ARHGAP12: variants seen among roughly 807,000 people sequenced by gnomAD.
ARHGAP12 encodes Rho GTPase activating protein 12.
In ARHGAP12, 64 loss-of-function variants were observed where a neutral mutation model predicts 108.6. That is an observed-to-expected ratio of 0.59 (90% confidence interval 0.48 to 0.73). The LOEUF is 0.73. Among genes scored for constraint, ARHGAP12 ranks in the 30% least tolerant of loss-of-function variants. The pLI, the probability that ARHGAP12 is intolerant of heterozygous loss-of-function variation, is 0.00. For missense variants in ARHGAP12, 940 were observed against 1,005.9 expected, an observed-to-expected ratio of 0.93 and a Z score of 0.89; for synonymous variants, 312 against 337.2, an observed-to-expected ratio of 0.93 and a Z score of 0.82.
rs75533487 is a variant in ARHGAP12 at position 31,814,733 on chromosome 10, G to A, written c.1732-372C>T. Among the ~76,000 whole-genome samples, 1,416 of 152,200 alleles carry A rather than the reference G, an allele frequency of 9.3e-3. 29 individuals carry two copies. Among genetic ancestry groups the A allele is most frequent in the African/African-American group, 0.032 (1,331 of 41,516 alleles). On this transcript the variant is annotated intron_variant, in intron 13 of 19. Coordinates refer to ENST00000344936, the MANE Select transcript of ARHGAP12 (RefSeq NM_018287.7). ...GCTACATTCTCTGACAACAGTATAA[G>A]ACTTCTACACATGGACCTGACAAGA...
chr10:31,874,303 A>G (rs1837645955), intron 3 of ARHGAP12, among the ~76,000 whole-genome samples: 1 of 152,168 alleles, frequency 6.6e-6, no homozygotes, highest in Non-Finnish European at 1.5e-5. Context: ...AGAAGACAAA[A>G]AATTTTGAAA....
chr10:31,902,668 C>T (rs757429355), intron 3 of ARHGAP12, among the ~76,000 whole-genome samples: 3 of 147,828 alleles, frequency 2.0e-5, no homozygotes, highest in Admixed American at 6.7e-5. Flanking sequence ...AAGACCCCAT[C>T]TCAAAAAAAA....
chr10:31,820,522 T>C, intron 11 of ARHGAP12, 34 bp from the exon 12 acceptor site: 1 of 1,388,590 alleles, frequency 7.2e-7, no homozygotes, highest in Middle Eastern at 1.9e-4. Context: ...AACCTTCATG[T>C]GATACTCACA....
At chr10:31,840,176 A>G (rs1318983979) in intron 7 of ARHGAP12, among the ~76,000 whole-genome samples, 2 of 152,114 alleles carry the variant, frequency 1.3e-5, no homozygotes, top group Admixed American at 6.5e-5. Flanking sequence ...CAAAAGCTAT[A>G]TAAGAAATTA....
rs559666544 is a variant in ARHGAP12, at chr10:31,855,188, T to C, written c.949-982A>G. Among the ~76,000 whole-genome samples, 45 of 151,702 alleles carry C rather than the reference T, an allele frequency of 3.0e-4. 1 individual carries two copies. The highest frequency in any genetic ancestry group is 1.8e-3 in the Admixed American group (28 of 15,240). Reference sequence around the variant, plus strand: ...TAAGGTAATACGGGTACACATGATATGATAAACTGCAGACACATGAGGGAA... The same window carrying C: ...TAAGGTAATACGGGTACACATGATACGATAAACTGCAGACACATGAGGGAA... On this transcript the variant is annotated intron_variant, in intron 4 of 19. Coordinates refer to ENST00000344936, the MANE Select transcript of ARHGAP12 (RefSeq NM_018287.7).
intron 3 of ARHGAP12, among the ~76,000 whole-genome samples, chr10:31,903,577 G>A (rs953591767): frequency 3.5e-4 from 54 of 152,168 alleles, no homozygotes; most frequent in African/African-American, 1.3e-3. Context: ...ACAAAACCAT[G>A]ATTCCACATA....
chr10:31,819,084 T>C (rs1271281497), intron 12 of ARHGAP12, among the ~76,000 whole-genome samples: 2 of 151,878 alleles, frequency 1.3e-5, no homozygotes, highest in Non-Finnish European at 2.9e-5. Context: ...AATTATCTAA[T>C]GAGAGAAATA....
intron 3 of ARHGAP12, among the ~76,000 whole-genome samples, chr10:31,900,526 T>C (rs543785152): frequency 2.0e-5 from 3 of 152,276 alleles, no homozygotes; most frequent in East Asian, 3.9e-4. Context: ...TAAAAAGAAA[T>C]GAGCTGTCAG....
At chr10:31,855,815 A>G (rs1836866307) in intron 4 of ARHGAP12, among the ~76,000 whole-genome samples, 1 of 152,224 alleles carries the variant, frequency 6.6e-6, no homozygotes, top group African/African-American at 2.4e-5. Context: ...TTTGCACAGT[A>G]AATATGATGT....
chr10:31,893,917 T>C (rs1357300039), intron 3 of ARHGAP12, among the ~76,000 whole-genome samples: 2 of 152,204 alleles, frequency 1.3e-5, no homozygotes, highest in Admixed American at 1.3e-4. Flanking sequence ...GTGGGCTTCA[T>C]CCCTGGGATG....
At chr10:31,808,568 A>G (rs536260447) in intron 19 of ARHGAP12, 81 bp downstream of exon 19, 2 of 1,219,550 alleles carry the variant, frequency 1.6e-6, no homozygotes, top group Non-Finnish European at 2.3e-6. Flanking sequence ...TCCAAATCTG[A>G]GTCTGAGTGA....
At chr10:31,896,284 ACAT>A (rs1185527606) in intron 3 of ARHGAP12, among the ~76,000 whole-genome samples, 1 of 149,388 alleles carries the variant, frequency 6.7e-6, no homozygotes, top group Non-Finnish European at 1.5e-5. Flanking sequence ...GTGATCCAGG[ACAT>A]CATTAAACTT....
intron 14 of ARHGAP12, among the ~76,000 whole-genome samples, chr10:31,813,782 T>C (rs1009952525): frequency 2.4e-4 from 36 of 152,198 alleles, no homozygotes; most frequent in Non-Finnish European, 5.9e-5. Context: ...CTCCTTTCTG[T>C]AGTAAGATCT....
intron 13 of ARHGAP12, among the ~76,000 whole-genome samples, chr10:31,814,607 CTGA>C (rs1835135670): frequency 6.6e-6 from 1 of 152,086 alleles, no homozygotes; most frequent in Non-Finnish European, 1.5e-5. Flanking sequence ...TTAGTTTACA[CTGA>C]TGATGAGGCT....
At chr10:31,928,267 T>A (rs982220850) in intron 1 of ARHGAP12, among the ~76,000 whole-genome samples, 2 of 150,892 alleles carry the variant, frequency 1.3e-5, no homozygotes, top group Non-Finnish European at 3.0e-5. Flanking sequence ...CACACCCGCC[T>A]TGTGCACACA....
intron 3 of ARHGAP12, among the ~76,000 whole-genome samples, chr10:31,905,381 C>A (rs982365298): frequency 6.6e-6 from 1 of 152,180 alleles, no homozygotes; most frequent in Non-Finnish European, 1.5e-5. Context: ...CAAGCGCACA[C>A]TAAAATTCTT....
intron 6 of ARHGAP12, among the ~76,000 whole-genome samples, chr10:31,844,335 G>A (rs113510884): frequency 6.6e-6 from 1 of 152,198 alleles, no homozygotes; most frequent in African/African-American, 2.4e-5. Flanking sequence ...AGTCTTTAAA[G>A]TTTTACTTGT....
chr10:31,858,532 C>G (rs1836980202), intron 4 of ARHGAP12, among the ~76,000 whole-genome samples: 1 of 152,106 alleles, frequency 6.6e-6, no homozygotes, highest in South Asian at 2.1e-4. Context: ...TGAGTCTATC[C>G]TGGGCAACAT....
rs1272694827 is a variant in ARHGAP12, at chr10:31,806,729, A to T, written c.*929T>A. 1 of 152,630 alleles carries T rather than the reference A, an allele frequency of 6.6e-6. No homozygotes were observed. The highest frequency in any genetic ancestry group is 1.5e-5 in the Non-Finnish European group (1 of 68,018). The allele number at this position is 152,630 out of a possible 1,614,324, so 9.5% of individuals were successfully genotyped here. On this transcript the variant is annotated 3_prime_UTR_variant, in exon 20 of 20. Transcript: ENST00000344936. ...AAGTGCACACAGTTAACTTTCCCAA[A>T]TAACGGACTATTTCTGGAGGAAACC...
Sources: gnomAD v4.1 joint callset for allele counts (sites outside exome capture counted in the v4.1 genomes callset) on GRCh38, gnomAD v4.1.1 for gene constraint, MANE v1.5 for transcripts, NCBI Gene and HGNC (gene_info 2026-07-23, HGNC 2026-07-21) for gene names.